The following CPEB3 variants were observed in gnomAD, a reference collection of about 807,000 sequenced individuals.
CPEB3 encodes cytoplasmic polyadenylation element-binding protein 3.
A neutral mutation model predicts 67.2 loss-of-function variants in CPEB3; 20 were observed. The ratio of observed to expected loss-of-function variants is 0.30; its 90% CI spans 0.21 to 0.43. The LOEUF (loss-of-function observed/expected upper bound fraction) is 0.43, where lower values mean the gene tolerates loss of function less well. CPEB3 is among the 20% of genes least tolerant of loss of function. The pLI is 1.00. For synonymous variants in CPEB3, 376 were observed against 393.1 expected (o/e 0.96, Z 0.51); for missense variants, 746 against 968.6 (o/e 0.77, Z 3.05).
intron 9 of CPEB3, among the ~76,000 whole-genome samples, chr10:92,057,333 T>C (rs1590044837): frequency 6.6e-6 from 1 of 152,082 alleles, no homozygotes. Flanking sequence ...TGGCTTGGGG[T>C]GGCGGTGGCT....
chr10:92,145,008 C>T lies in CPEB3; in HGVS notation c.1300G>A (p.Glu434Lys). The change falls in exon 5 of 10, where the codon GAA becomes AAA. Residue 434 changes from glutamate to lysine, a missense_variant. Glu to Lys is a moderately conservative substitution (Grantham distance 56). This residue lies in a region of CPEB3 where 643 missense variants were observed against 717.5 expected (regional missense o/e 0.90). Transcript: ENST00000265997. The part of the protein sequence containing the change: ...LSSPTRCQNG[E>K]RVERYSRKVF... ...TTTCTAGAGTAGCGTTCTACTCGTTCCCCATTTTGACAGCGAGTGGGAGAA... is the reference window on the plus strand; with the variant it reads ...TTTCTAGAGTAGCGTTCTACTCGTTTCCCATTTTGACAGCGAGTGGGAGAA... 6.2e-7 allele frequency: 1 copy of T among 1,614,090 alleles called. No homozygotes were observed. The highest frequency in any genetic ancestry group is 1.1e-5 in the South Asian group (1 of 91,078).
chr10:92,189,507 T>C (rs1372721586), intron 3 of CPEB3, among the ~76,000 whole-genome samples: 1 of 152,140 alleles, frequency 6.6e-6, no homozygotes, highest in African/African-American at 2.4e-5. Context: ...ACTGAGGCTT[T>C]GAAGAGGTTA....
At chr10:92,219,088 T>G (rs760822377) in intron 2 of CPEB3, among the ~76,000 whole-genome samples, 12 of 152,206 alleles carry the variant, frequency 7.9e-5, no homozygotes, top group Non-Finnish European at 1.3e-4. Flanking sequence ...TCATGAATAT[T>G]ATGATCATGC....
chr10:92,105,048 G>A (rs934224078), intron 7 of CPEB3, among the ~76,000 whole-genome samples: 1 of 152,050 alleles, frequency 6.6e-6, no homozygotes, highest in African/African-American at 2.4e-5. Context: ...TTACAGGCAA[G>A]AGCCACCGTG....
intron 6 of CPEB3, among the ~76,000 whole-genome samples, chr10:92,112,412 T>C (rs1354402011): frequency 6.6e-6 from 1 of 152,192 alleles, no homozygotes; most frequent in Admixed American, 6.5e-5. Flanking sequence ...CCCAAAGTGC[T>C]GGGATTACAG....
chr10:92,145,198 G>T, intron 4 of CPEB3, 113 bp from the exon 5 acceptor site: 1 of 1,196,380 alleles, frequency 8.4e-7, no homozygotes, highest in Non-Finnish European at 1.2e-6. Flanking sequence ...GCAGAGAGAA[G>T]CATACAAAAA....
intron 9 of CPEB3, among the ~76,000 whole-genome samples, chr10:92,059,829 C>T (rs968119252): frequency 2.6e-5 from 4 of 151,692 alleles, no homozygotes; most frequent in Non-Finnish European, 4.4e-5. Context: ...TAGTGGCATG[C>T]GCCTGTACTC....
Position 92,081,338 on chromosome 10 carries a change from G to T in CPEB3, c.1851C>A (p.His617Gln). ...AISARFVQLQ[H>Q]NDIDKRVEVK... ...TGCTTACCCGTTTGTCAATGTCATT[G>T]TGCTGAAGCTGCACAAAACGAGCGC... The change falls in exon 9 of 10, where the codon CAC becomes CAA. Residue 617 changes from histidine to glutamine, a missense_variant. His to Gln is a conservative substitution (Grantham distance 24). This residue lies in a region of CPEB3 where 103 missense variants were observed against 251.1 expected (regional missense o/e 0.41). Coordinates refer to ENST00000265997, the MANE Select transcript of CPEB3 (RefSeq NM_014912.5). The T allele has an allele frequency of 6.2e-7, 1 of 1,614,170 alleles. No homozygotes were observed. The highest frequency in any genetic ancestry group is 8.5e-7 in the Non-Finnish European group (1 of 1,180,028).
At chr10:92,166,518 C>A (rs557148720) in intron 4 of CPEB3, among the ~76,000 whole-genome samples, 2 of 152,130 alleles carry the variant, frequency 1.3e-5, no homozygotes, top group South Asian at 4.1e-4. Context: ...CATTACTGTC[C>A]GGTTCATCTC....
intron 9 of CPEB3, among the ~76,000 whole-genome samples, chr10:92,054,516 C>T (rs1324012635): frequency 6.6e-6 from 1 of 151,934 alleles, no homozygotes; most frequent in Admixed American, 6.6e-5. Context: ...CTCCACCTCC[C>T]ACAACCTCCA....
chr10:92,186,579 C>T (rs1036775799), intron 3 of CPEB3, among the ~76,000 whole-genome samples: 2 of 151,874 alleles, frequency 1.3e-5, no homozygotes, highest in African/African-American at 2.4e-5. Context: ...GGACTACAGG[C>T]GCCTGCCACC....
intron 4 of CPEB3, among the ~76,000 whole-genome samples, chr10:92,170,148 T>C (rs1847936567): frequency 6.6e-6 from 1 of 152,206 alleles, no homozygotes; most frequent in African/African-American, 2.4e-5. Flanking sequence ...CTAGTCCACA[T>C]TGTCCATTTC....
intron 1 of CPEB3, among the ~76,000 whole-genome samples, chr10:92,266,693 A>C (rs916678703): frequency 2.6e-5 from 4 of 152,166 alleles, no homozygotes; most frequent in African/African-American, 9.6e-5. Context: ...AAGCGCTAGA[A>C]AGAACAAAAG....
At chr10:92,262,969 T>C (rs779590401) in intron 1 of CPEB3, among the ~76,000 whole-genome samples, 43 of 152,194 alleles carry the variant, frequency 2.8e-4, no homozygotes, top group Non-Finnish European at 4.4e-4. Flanking sequence ...GAGGTCTCAC[T>C]AGGTTGCCCA....
intron 1 of CPEB3, among the ~76,000 whole-genome samples, chr10:92,275,670 T>C (rs1000111652): frequency 3.9e-5 from 6 of 152,132 alleles, no homozygotes; most frequent in African/African-American, 1.4e-4. Context: ...CACAACTTAG[T>C]TGTCAACTCC....
At chr10:92,068,827 A>G (rs1842650911) in intron 9 of CPEB3, among the ~76,000 whole-genome samples, 2 of 152,304 alleles carry the variant, frequency 1.3e-5, no homozygotes, top group Non-Finnish European at 2.9e-5. Context: ...CCCTTTAAAA[A>G]ACTATTTCTA....
intron 4 of CPEB3, among the ~76,000 whole-genome samples, chr10:92,160,230 C>A (rs537565077): frequency 6.6e-6 from 1 of 152,260 alleles, no homozygotes; most frequent in African/African-American, 2.4e-5. Flanking sequence ...CAGGGGTGAG[C>A]CACCGCGCCC....
chr10:92,097,329 C>T (rs1158574763), intron 7 of CPEB3, among the ~76,000 whole-genome samples: 1 of 152,198 alleles, frequency 6.6e-6, no homozygotes, highest in East Asian at 1.9e-4. Context: ...CCACCCAGTC[C>T]ATGATCTTTG....
chr10:92,228,326 C>T (rs1420468217), intron 2 of CPEB3, among the ~76,000 whole-genome samples: 1 of 152,182 alleles, frequency 6.6e-6, no homozygotes, highest in African/African-American at 2.4e-5. Context: ...ATAAACTTTA[C>T]TGGTTTTCAC....
Sources: gnomAD v4.1 joint callset for allele counts (sites outside exome capture counted in the v4.1 genomes callset) on GRCh38, gnomAD v4.1.1 for gene constraint, gnomAD v4.1.1 regional missense constraint, MANE v1.5 for transcripts, NCBI Gene and HGNC (gene_info 2026-07-23, HGNC 2026-07-21) for gene names.